The following ZNF469 variants were observed in gnomAD, a reference collection of about 807,000 sequenced individuals.
The protein encoded by ZNF469 is zinc finger protein 469.
Under a neutral mutation model 1.0 loss-of-function variants are expected in ZNF469, and 1 was observed. The ratio of observed to expected loss-of-function variants is 1.00; its 90% confidence interval spans 0.35 to 4.73. The LOEUF (loss-of-function observed/expected upper bound fraction) is 4.73. ZNF469 is among the 30% of genes most tolerant of loss of function. The pLI, the probability that ZNF469 is intolerant of heterozygous loss-of-function variation, is 0.16. For synonymous variants in ZNF469, 2,703 were observed against 2,363.4 expected (o/e 1.14, Z -4.17); for missense variants, 6,100 against 5,356.3 (o/e 1.14, Z -4.33).
At chr16:88,404,124 T>A (rs539995897) in intron 1 of ZNF469, among the ~76,000 whole-genome samples, 1 of 152,204 alleles carries the variant, frequency 6.6e-6, no homozygotes, top group Non-Finnish European at 1.5e-5. Context: ...TTTATGCTTT[T>A]ATTGTGGACC....
In ZNF469 at chr16:88,431,051, G is replaced by A. The variant is rs765714860; in HGVS notation, c.3581G>A (p.Arg1194His). ...GAGGGAGGCCCCAAGTGTGCTGATC[G>A]CCCCTCAGTGGCCCCCAAGGATCCC... ...AREGGPKCAD[R>H]PSVAPKDPLQ... Residue 1194 changes from arginine to histidine, a missense_variant, in exon 3 of 3, where the codon CGC (arginine) becomes CAC (histidine). By Grantham distance (29) the Arg-to-His change is conservative. Coordinates refer to ENST00000565624, the MANE Select transcript of ZNF469 (RefSeq NM_001367624.2). 16 of 1,548,110 alleles carry A rather than the reference G, an allele frequency of 1.0e-5. No homozygotes were observed. The highest frequency in any genetic ancestry group is 4.1e-5 in the African/African-American group (3 of 72,944).
At chr16:88,239,520 GCT>G in the ZNF469 span, among the ~76,000 whole-genome samples, 4 of 146,756 alleles carry the variant, frequency 2.7e-5, no homozygotes, top group Admixed American at 2.7e-4. Context: ...ACGGAGTCTC[GCT>G]CTGTCACCAG....
chr16:88,304,794 C>T, the ZNF469 span, among the ~76,000 whole-genome samples: 1 of 152,214 alleles, frequency 6.6e-6, no homozygotes, highest in Non-Finnish European at 1.5e-5. Context: ...TGTATTGTCT[C>T]ATCTGGCTAA....
rs1372217742 is a variant in ZNF469, at chr16:88,429,817, C to G, written c.2347C>G (p.Pro783Ala). Residue 783 changes from proline (P) to alanine (A), a missense_variant, in exon 3 of 3, where the codon CCT becomes GCT. Coordinates refer to ENST00000565624, the MANE Select transcript of ZNF469 (RefSeq NM_001367624.2). The stretch of plus-strand genomic sequence containing the variant: ...CTCGCCCCCCGCTGCCCCCAGAGTC[C>G]CTGCCGACGCACACGCGGGCTTGCT... ...LPSPPAAPRV[P>A]ADAHAGLLSH... 1 of 1,546,516 alleles carries G rather than the reference C, an allele frequency of 6.5e-7. No homozygotes were observed. The highest frequency in any genetic ancestry group is 2.0e-5 in the Admixed American group (1 of 50,928).
At chr16:88,173,743 C>A in the ZNF469 span, among the ~76,000 whole-genome samples, 675 of 152,184 alleles carry the variant, frequency 4.4e-3, 1 homozygote, top group African/African-American at 0.013. Flanking sequence ...TTCCTACACT[C>A]TATGTGAAGT....
the ZNF469 span, among the ~76,000 whole-genome samples, chr16:88,204,662 C>T: frequency 6.6e-6 from 1 of 152,236 alleles, no homozygotes; most frequent in East Asian, 1.9e-4. Flanking sequence ...GGAAATCAGG[C>T]ACAAGGCACC....
the ZNF469 span, among the ~76,000 whole-genome samples, chr16:88,141,783 T>C: frequency 6.6e-6 from 1 of 151,548 alleles, no homozygotes; most frequent in African/African-American, 2.4e-5. Flanking sequence ...CGTGGTGACG[T>C]CAGAGGCACC....
At chr16:88,109,850 C>T in the ZNF469 span, among the ~76,000 whole-genome samples, 2 of 152,238 alleles carry the variant, frequency 1.3e-5, no homozygotes, top group Non-Finnish European at 2.9e-5. Flanking sequence ...CACGCTGTCT[C>T]CTCCCTGGGA....
chr16:88,252,351 C>G, the ZNF469 span, among the ~76,000 whole-genome samples: 1 of 151,002 alleles, frequency 6.6e-6, no homozygotes, highest in East Asian at 1.9e-4. Context: ...TACTCCACAC[C>G]CAGGCAGTCT....
chr16:88,428,383 G>C lies in ZNF469; in HGVS notation c.913G>C (p.Ala305Pro), dbSNP rs1905855066. ...ATTCACCAATGGGCCACTGGTGTTT[G>C]CCTTCCATCAGCCCCAGGGAGCGTG... ...HAFTNGPLVF[A>P]FHQPQGAWPE... Residue 305 changes from alanine to proline, a missense_variant, in exon 3 of 3, where the codon GCC becomes CCC. Physicochemically the swap from Ala to Pro is conservative, Grantham distance 27. Coordinates refer to ENST00000565624, the MANE Select transcript of ZNF469 (RefSeq NM_001367624.2). The C allele has an allele frequency of 6.5e-7, 1 of 1,548,570 alleles. No individual in the cohort carries two copies. The highest frequency in any genetic ancestry group is 2.4e-5 in the East Asian group (1 of 40,910).
At chr16:88,312,868 G>A in the ZNF469 span, among the ~76,000 whole-genome samples, 18 of 152,170 alleles carry the variant, frequency 1.2e-4, no homozygotes, top group African/African-American at 2.4e-4. Flanking sequence ...ATGCTGGTGC[G>A]CCATGGACTC....
the ZNF469 span, among the ~76,000 whole-genome samples, chr16:88,233,460 C>G: frequency 6.6e-6 from 1 of 152,234 alleles, no homozygotes; most frequent in East Asian, 1.9e-4. Flanking sequence ...TGTTATTCCT[C>G]TTGGAAATTT....
At chr16:88,311,602 T>C in the ZNF469 span, among the ~76,000 whole-genome samples, 1 of 152,282 alleles carries the variant, frequency 6.6e-6, no homozygotes, top group Non-Finnish European at 1.5e-5. Flanking sequence ...CAGTGGTTCA[T>C]TCTATAACTT....
chr16:88,143,889 G>A, the ZNF469 span, among the ~76,000 whole-genome samples: 3 of 152,274 alleles, frequency 2.0e-5, no homozygotes, highest in African/African-American at 4.8e-5. Context: ...CCAAGGACCC[G>A]CCGCTATTTC....
At chr16:88,347,340 G>A in the ZNF469 span, among the ~76,000 whole-genome samples, 2 of 152,180 alleles carry the variant, frequency 1.3e-5, no homozygotes, top group Non-Finnish European at 2.9e-5. Flanking sequence ...CTCAAGTGAA[G>A]ACATGGTCAT....
At chr16:88,268,851 T>C in the ZNF469 span, among the ~76,000 whole-genome samples, 1 of 152,172 alleles carries the variant, frequency 6.6e-6, no homozygotes, top group Non-Finnish European at 1.5e-5. Flanking sequence ...CCGGCCCCCA[T>C]GAGCTGTGGG....
At chr16:88,333,245 G>A in the ZNF469 span, among the ~76,000 whole-genome samples, 1 of 152,136 alleles carries the variant, frequency 6.6e-6, no homozygotes, top group African/African-American at 2.4e-5. Flanking sequence ...CAAGCCGGTG[G>A]GTACGGCCAG....
At chr16:88,377,536 T>C in the ZNF469 span, among the ~76,000 whole-genome samples, 6,917 of 152,270 alleles carry the variant, frequency 0.045, 541 homozygotes, top group African/African-American at 0.16. Context: ...GCTTGGGCCG[T>C]AGGCATCTGA....
chr16:88,249,889 T>C, the ZNF469 span, among the ~76,000 whole-genome samples: 2 of 152,208 alleles, frequency 1.3e-5, no homozygotes, highest in African/African-American at 4.8e-5. Context: ...AGATCATGTG[T>C]GACTCCTCCT....
Sources: gnomAD v4.1 joint callset for allele counts (sites outside exome capture counted in the v4.1 genomes callset) on GRCh38, gnomAD v4.1.1 for gene constraint, MANE v1.5 for transcripts, NCBI Gene and HGNC (gene_info 2026-07-23, HGNC 2026-07-21) for gene names.